Variants in SRPK1 observed in about 807,000 individuals in gnomAD.
SRPK1 encodes the protein SFRS protein kinase 1.
In SRPK1, 52 loss-of-function variants were observed where a neutral mutation model predicts 89.5. The observed-to-expected ratio is 0.58, with a 90% CI of 0.46 to 0.73. The LOEUF is 0.73. Among genes scored for constraint, SRPK1 ranks in the 30% least tolerant of loss-of-function variants. SRPK1 has a pLI of 0.00. For synonymous variants in SRPK1, 255 were observed against 270.2 expected, an observed-to-expected ratio of 0.94 and a Z score of 0.55; for missense variants, 603 against 780.6, an observed-to-expected ratio of 0.77 and a Z score of 2.71.
chr6:35,836,786 A>ATAATTT (rs1769190038), intron 15 of SRPK1, among the ~76,000 whole-genome samples: 1 of 134,160 alleles, frequency 7.5e-6, no homozygotes, highest in Admixed American at 7.4e-5. Flanking sequence ...AATAATAATA[A>ATAATTT]TTTTTTTTAA....
chr6:35,842,441 CAAGACT>C, intron 14 of SRPK1, 88 bp downstream of exon 14: 1 of 868,186 alleles, frequency 1.2e-6, no homozygotes, highest in South Asian at 2.9e-5. Flanking sequence ...TGCACACTAA[CAAGACT>C]AAGGCTCTTC....
intron 14 of SRPK1, 162 bp from the exon 15 acceptor site, chr6:35,838,591 T>C: frequency 6.8e-7 from 1 of 1,471,054 alleles, no homozygotes. Context: ...ACTCTATCCA[T>C]CTAATGGAGA....
chr6:35,854,439 C>A (rs906141278), intron 13 of SRPK1, among the ~76,000 whole-genome samples: 2 of 152,116 alleles, frequency 1.3e-5, no homozygotes, highest in African/African-American at 4.8e-5. Context: ...GCTCTATGAT[C>A]AAATTTAAAG....
At chr6:35,915,315 G>A (rs1358266016) in intron 2 of SRPK1, among the ~76,000 whole-genome samples, 2 of 149,798 alleles carry the variant, frequency 1.3e-5, no homozygotes, top group Admixed American at 6.8e-5. Flanking sequence ...GCTGAGGCAG[G>A]AGAATGGCAT....
In SRPK1 at chr6:35,842,736, A is replaced by C. The variant is rs146531068; in HGVS notation, c.1621-132T>G. On this transcript the variant is annotated intron_variant, in intron 13 of 15. Transcript: ENST00000373825. ...AACTTATAGATCATTTAAAAAAAAA[A>C]AAAAACAAAAACTTAAGATTATTCC... 231 of 520,390 alleles carry C rather than the reference A, an allele frequency of 4.4e-4. 2 individuals carry two copies. The highest frequency in any genetic ancestry group is 3.5e-3 in the African/African-American group (179 of 51,308). The allele number at this position is 520,390 out of a possible 1,614,324, so 32.2% of individuals were successfully genotyped here. A position where few individuals can be genotyped will look rare whatever the true frequency, so the allele number is the denominator to read the frequency against.
chr6:35,851,249 A>C (rs1271781196), intron 13 of SRPK1, among the ~76,000 whole-genome samples: 1 of 150,830 alleles, frequency 6.6e-6, no homozygotes, highest in Non-Finnish European at 1.5e-5. Flanking sequence ...GTCTTGGCTC[A>C]CTGCAATCTC....
intron 6 of SRPK1, among the ~76,000 whole-genome samples, chr6:35,880,355 A>G (rs1267168456): frequency 6.6e-6 from 1 of 152,106 alleles, no homozygotes; most frequent in Non-Finnish European, 1.5e-5. Flanking sequence ...ATTGAAGAAA[A>G]GTGAAGAGGC....
chr6:35,912,928 C>T (rs530483621), intron 2 of SRPK1, among the ~76,000 whole-genome samples: 3 of 152,328 alleles, frequency 2.0e-5, no homozygotes, highest in Admixed American at 1.3e-4. Flanking sequence ...GGACTACAGG[C>T]ACGTGCCACC....
rs938323918 is a variant in SRPK1 at position 35,888,867 on chromosome 6, G to A, written c.250C>T (p.Arg84Ter). The change falls in exon 4 of 16, where the codon CGA (arginine) becomes TGA (stop). Residue 84 changes from arginine (R) to a stop codon, truncating the protein, a stop_gained. Coordinates refer to ENST00000373825, the MANE Select transcript of SRPK1 (RefSeq NM_003137.5). LOFTEE classifies it high-confidence loss of function. ...DLFNGRYHVI[R>*]KLGWGHFSTV... ...GAAAAGTGTCCCCAGCCTAACTTTC[G>A]GATCACATGGTATCTCCCATTGAAT... The A allele has an allele frequency of 1.9e-6, 3 of 1,612,988 alleles. No individual in the cohort carries two copies. The highest frequency in any genetic ancestry group is 1.3e-5 in the African/African-American group (1 of 74,814).
chr6:35,888,879 A>ATC lies in SRPK1; in HGVS notation c.236_237dup (p.Tyr80AspfsTer4). 1 of 1,613,506 alleles carries ATC rather than the reference A, an allele frequency of 6.2e-7. No individual in the cohort carries two copies. The highest frequency in any genetic ancestry group is 8.5e-7 in the Non-Finnish European group (1 of 1,179,538). On this transcript the variant is annotated frameshift_variant, in exon 4 of 16. Transcript: ENST00000373825. LOFTEE classifies it high-confidence loss of function. ...CAGCCTAACTTTCGGATCACATGGT[A>ATC]TCTCCCATTGAATAGATCTCCAATT... is the stretch of plus-strand genomic sequence containing the variant.
chr6:35,875,013 C>T (rs1179843236), intron 6 of SRPK1, among the ~76,000 whole-genome samples: 3 of 152,150 alleles, frequency 2.0e-5, no homozygotes, highest in Non-Finnish European at 4.4e-5. Flanking sequence ...TTGATGTCTT[C>T]CACCCCCACT....
At position 35,888,553 on chromosome 6, in the gene SRPK1, CA is replaced by C. The variant is rs1273354851; in HGVS notation, c.302+261del. Among the ~76,000 whole-genome samples the C allele has an allele frequency of 2.6e-5, 4 of 152,180 alleles. No homozygotes were observed. The East Asian group carries it at 7.7e-4, about 29-fold the overall frequency. ...TCGGTGAAAAGAAAATGATAAAAAT[CA>C]CAAAAAAATCAAACGACAAAAGCTT... On this transcript the variant is annotated intron_variant, in intron 4 of 15. Coordinates refer to ENST00000373825, the MANE Select transcript of SRPK1 (RefSeq NM_003137.5).
intron 15 of SRPK1, among the ~76,000 whole-genome samples, chr6:35,837,938 GGCTC>G (rs1430443660): frequency 6.7e-5 from 10 of 149,896 alleles, no homozygotes; most frequent in African/African-American, 2.5e-4. Context: ...GTGCGATCTT[GGCTC>G]ACTGCAACCT....
At chr6:35,845,315 G>A (rs1769404480) in intron 13 of SRPK1, among the ~76,000 whole-genome samples, 1 of 152,176 alleles carries the variant, frequency 6.6e-6, no homozygotes, top group Non-Finnish European at 1.5e-5. Flanking sequence ...TATCACTCTG[G>A]AGCAGCAGAT....
intron 11 of SRPK1, 28 bp from the exon 12 acceptor site, chr6:35,869,138 A>G: frequency 6.5e-7 from 1 of 1,550,240 alleles, no homozygotes; most frequent in Non-Finnish European, 8.9e-7. Context: ...CATCAATAAG[A>G]CTGTTCAATG....
chr6:35,899,589 T>C (rs1018733356), intron 2 of SRPK1, among the ~76,000 whole-genome samples: 17 of 152,214 alleles, frequency 1.1e-4, no homozygotes, highest in African/African-American at 3.6e-4. Context: ...TAAAGTCCAT[T>C]ACACATCTGC....
At position 35,869,781 on chromosome 6, in the gene SRPK1, T is replaced by C; in HGVS notation, c.1112A>G (p.Asn371Ser). Residue 371 changes from asparagine (N) to serine (S), a missense_variant, in exon 11 of 16, where the codon AAT (asparagine) becomes AGT (serine). Physicochemically the swap from Asn to Ser is conservative, Grantham distance 46 (BLOSUM62 1). Coordinates refer to ENST00000373825, the MANE Select transcript of SRPK1 (RefSeq NM_003137.5). ...EVINYTQNSN[N>S]ETLRHKEDLH... Reference sequence around the variant, plus strand: ...ATCCTCTTTATGTCTCAATGTTTCATTATTACTGTTCTGAGTATAATTAAT... The same window carrying C: ...ATCCTCTTTATGTCTCAATGTTTCACTATTACTGTTCTGAGTATAATTAAT... The C allele has an allele frequency of 6.8e-6, 11 of 1,613,886 alleles. No homozygotes were observed. The highest frequency in any genetic ancestry group is 9.3e-6 in the Non-Finnish European group (11 of 1,179,824).
chr6:35,911,592 GTTTC>G (rs927171901), intron 2 of SRPK1, among the ~76,000 whole-genome samples: 3 of 151,460 alleles, frequency 2.0e-5, no homozygotes, highest in Non-Finnish European at 4.4e-5. Flanking sequence ...TAAAAAATAA[GTTTC>G]TTTCTTTTTT....
intron 7 of SRPK1, 95 bp downstream of exon 7, chr6:35,874,138 A>C: frequency 8.9e-7 from 1 of 1,120,856 alleles, no homozygotes; most frequent in South Asian, 1.4e-5. Context: ...TAAAACAAAA[A>C]TTCTATTGGA....
Sources: gnomAD v4.1 joint callset for allele counts (sites outside exome capture counted in the v4.1 genomes callset) on GRCh38, gnomAD v4.1.1 for gene constraint, MANE v1.5 for transcripts, NCBI Gene and HGNC (gene_info 2026-07-23, HGNC 2026-07-21) for gene names.